The following PPM1L variants were observed in gnomAD, a reference collection of about 807,000 sequenced individuals.
PPM1L encodes protein phosphatase, Mg2+/Mn2+ dependent 1L, also known as protein phosphatase 1L.
Under a neutral mutation model 31.4 loss-of-function variants are expected in PPM1L, and 13 were observed. That is an observed-to-expected ratio of 0.41 (90% CI 0.27 to 0.66). The LOEUF (loss-of-function observed/expected upper bound fraction) is 0.66, where lower values mean the gene tolerates loss of function less well. Among genes scored for constraint, PPM1L ranks in the 30% least tolerant of loss-of-function variants. PPM1L has a pLI of 0.29. For missense variants in PPM1L, 326 were observed against 453.7 expected, an observed-to-expected ratio of 0.72 and a Z score of 2.56; for synonymous variants, 184 against 175.4, an observed-to-expected ratio of 1.05 and a Z score of -0.39.
chr3:160,901,082 A>G (rs1713523828), intron 1 of PPM1L, among the ~76,000 whole-genome samples: 1 of 151,630 alleles, frequency 6.6e-6, no homozygotes, highest in Admixed American at 6.6e-5. Flanking sequence ...TCGTTCCTCA[A>G]CTCTCTTTTC....
intron 1 of PPM1L, among the ~76,000 whole-genome samples, chr3:160,795,999 C>T (rs1712236206): frequency 1.3e-5 from 2 of 152,174 alleles, no homozygotes; most frequent in African/African-American, 4.8e-5. Context: ...ACTGATTTCC[C>T]CTAAATCTGA....
chr3:160,995,257 G>A (rs1395375094), intron 2 of PPM1L, among the ~76,000 whole-genome samples: 4 of 152,108 alleles, frequency 2.6e-5, no homozygotes, highest in African/African-American at 7.2e-5. Context: ...TTTTCAGTCC[G>A]CTATGAAGAT....
At chr3:161,042,107 C>T (rs1449923473) in intron 2 of PPM1L, among the ~76,000 whole-genome samples, 1 of 152,186 alleles carries the variant, frequency 6.6e-6, no homozygotes, top group Non-Finnish European at 1.5e-5. Flanking sequence ...TCAGTCAAAA[C>T]TCAGCTCAAA....
At chr3:160,988,365 CA>C (rs1559915000) in intron 2 of PPM1L, among the ~76,000 whole-genome samples, 1 of 152,052 alleles carries the variant, frequency 6.6e-6, no homozygotes, top group Admixed American at 6.6e-5. Flanking sequence ...TAAGCAAAAT[CA>C]AAAAACAATA....
intron 1 of PPM1L, among the ~76,000 whole-genome samples, chr3:160,805,881 A>G (rs1271521556): frequency 6.6e-6 from 1 of 152,196 alleles, no homozygotes; most frequent in African/African-American, 2.4e-5. Flanking sequence ...AAAAACCTGT[A>G]AGTTTCACAT....
At chr3:161,006,042 C>G (rs928427158) in intron 2 of PPM1L, among the ~76,000 whole-genome samples, 1 of 151,878 alleles carries the variant, frequency 6.6e-6, no homozygotes, top group African/African-American at 2.4e-5. Context: ...ACAGTCTCAA[C>G]GAGATATTTT....
intron 1 of PPM1L, among the ~76,000 whole-genome samples, chr3:160,772,091 G>A (rs527551263): frequency 6.6e-6 from 1 of 152,230 alleles, no homozygotes; most frequent in Non-Finnish European, 1.5e-5. Context: ...TGGAAAGGAA[G>A]CTCATATTTT....
intron 2 of PPM1L, among the ~76,000 whole-genome samples, chr3:161,048,580 G>T (rs1312864272): frequency 2.0e-5 from 3 of 152,072 alleles, no homozygotes; most frequent in Non-Finnish European, 2.9e-5. Flanking sequence ...TCATTACTGG[G>T]TATATACCCA....
At chr3:161,043,224 G>A (rs924610688) in intron 2 of PPM1L, among the ~76,000 whole-genome samples, 2 of 151,980 alleles carry the variant, frequency 1.3e-5, no homozygotes, top group Non-Finnish European at 1.5e-5. Flanking sequence ...GGTCCTGGGA[G>A]GAGGGTTTAG....
chr3:160,940,734 A>T (rs1260512595), intron 1 of PPM1L, among the ~76,000 whole-genome samples: 1 of 152,214 alleles, frequency 6.6e-6, no homozygotes, highest in Non-Finnish European at 1.5e-5. Context: ...TGGGGCCCTC[A>T]TGGAGAACCT....
chr3:160,978,029 A>G (rs1434268692), intron 2 of PPM1L, among the ~76,000 whole-genome samples: 2 of 152,206 alleles, frequency 1.3e-5, no homozygotes. Flanking sequence ...ATTTAGGAAT[A>G]TCACCCCAAG....
intron 2 of PPM1L, among the ~76,000 whole-genome samples, chr3:161,061,621 C>T (rs574798632): frequency 7.2e-4 from 110 of 152,242 alleles, no homozygotes; most frequent in Non-Finnish European, 1.2e-3. Context: ...CAACTATTTA[C>T]GTAGCATTTA....
At chr3:161,055,975 C>T (rs1442958777) in intron 2 of PPM1L, among the ~76,000 whole-genome samples, 2 of 152,104 alleles carry the variant, frequency 1.3e-5, no homozygotes, top group Non-Finnish European at 2.9e-5. Context: ...GCTTCCAATC[C>T]GTACCCCACA....
intron 1 of PPM1L, among the ~76,000 whole-genome samples, chr3:160,850,551 A>G (rs1228501998): frequency 6.6e-6 from 1 of 152,158 alleles, no homozygotes; most frequent in East Asian, 1.9e-4. Flanking sequence ...CCAACCCTCT[A>G]ATCACATGGC....
At chr3:160,823,859 C>T (rs1285148939) in intron 1 of PPM1L, among the ~76,000 whole-genome samples, 1 of 152,078 alleles carries the variant, frequency 6.6e-6, no homozygotes, top group Non-Finnish European at 1.5e-5. Context: ...GACTCCAGAG[C>T]CCTTGACAAG....
chr3:160,833,035 C>CTG (rs891599388), intron 1 of PPM1L, among the ~76,000 whole-genome samples: 1 of 152,124 alleles, frequency 6.6e-6, no homozygotes, highest in Non-Finnish European at 1.5e-5. Flanking sequence ...TTTTCTGTTC[C>CTG]TGTGTTAGTT....
At chr3:161,031,111 T>C (rs1378069163) in intron 2 of PPM1L, among the ~76,000 whole-genome samples, 2 of 152,236 alleles carry the variant, frequency 1.3e-5, no homozygotes, top group Admixed American at 1.3e-4. Flanking sequence ...TCCAGAGAAA[T>C]TCAGACAGGT....
intron 1 of PPM1L, among the ~76,000 whole-genome samples, chr3:160,910,864 G>T (rs1240362069): frequency 6.6e-6 from 1 of 152,182 alleles, no homozygotes; most frequent in African/African-American, 2.4e-5. Context: ...TAATCAAGAT[G>T]ATATGCACCA....
At chr3:160,808,394 T>TGTGTGTGTGTGTGTGTGCGCGCGCGC (rs1712695214) in intron 1 of PPM1L, among the ~76,000 whole-genome samples, 2 of 146,770 alleles carry the variant, frequency 1.4e-5, no homozygotes, top group African/African-American at 2.6e-5. Context: ...TGTGTGTGTG[T>TGTGTGTGTGTGTGTGTGCGCGCGCGC]GTGTGTGTGT....
Sources: allele counts gnomAD v4.1 joint callset (sites outside exome capture counted in the v4.1 genomes callset), GRCh38; gene constraint gnomAD v4.1.1; transcripts MANE v1.5; gene names NCBI Gene and HGNC (gene_info 2026-07-23, HGNC 2026-07-21).